The following PCDHGA7 variants were observed in gnomAD, a reference collection of about 807,000 sequenced individuals.
The protein encoded by PCDHGA7 is protocadherin gamma-A7.
In PCDHGA7, 44 loss-of-function variants were observed where a neutral mutation model predicts 58.3. That is an observed-to-expected ratio of 0.75 (90% CI 0.59 to 0.97). PCDHGA7 has a LOEUF of 0.97. Ranked by LOEUF, PCDHGA7 falls within the 50% of genes least tolerant of loss-of-function variation. The pLI, the probability that PCDHGA7 is intolerant of heterozygous loss-of-function variation, is 0.00. For synonymous variants in PCDHGA7, 516 were observed against 504.2 expected (o/e 1.02, Z -0.31); for missense variants, 1,266 against 1,188.7 (o/e 1.06, Z -0.96).
intron 1 of PCDHGA7, among the ~76,000 whole-genome samples, chr5:141,468,047 G>A (rs901583535): frequency 2.0e-5 from 3 of 152,050 alleles, no homozygotes; most frequent in Non-Finnish European, 2.9e-5. Context: ...AAACTAAGCC[G>A]GGCACAGTGG....
intron 1 of PCDHGA7, chr5:141,421,280 G>A (rs564480755): frequency 1.2e-6 from 2 of 1,612,948 alleles, no homozygotes; most frequent in South Asian, 2.2e-5. Context: ...CTGCTGCTGT[G>A]CATTTTCCTG....
At position 141,471,055 on chromosome 5, in the gene PCDHGA7, T is replaced by C. The variant is rs1229791864; in HGVS notation, c.2425-23752T>C. Reference sequence around the variant, plus strand: ...AACAAGCCCAAGCCCTCTTTTTTTTTTTTTTTTTTTTGAGACAGGGTCTCC... The same window carrying C: ...AACAAGCCCAAGCCCTCTTTTTTTTCTTTTTTTTTTTGAGACAGGGTCTCC... On this transcript the variant is annotated intron_variant, in intron 1 of 3. Coordinates refer to ENST00000518325, the MANE Select transcript of PCDHGA7 (RefSeq NM_018920.4). Among the ~76,000 whole-genome samples the C allele has an allele frequency of 1.7e-4, 25 of 148,764 alleles. 2 individuals are homozygous for C. The Admixed American group carries it at 1.7e-3, about 10-fold the overall frequency.
Position 141,431,180 on chromosome 5 carries a change from A to C in PCDHGA7, c.2424+45857A>C. The C allele has an allele frequency of 6.2e-7, 1 of 1,614,246 alleles. No homozygotes were observed. The highest frequency in any genetic ancestry group is 8.5e-7 in the Non-Finnish European group (1 of 1,180,044). On this transcript the variant is annotated intron_variant, in intron 1 of 3. Transcript: ENST00000518325. This position sits in a 1 kb window ranked among gnomAD's most constrained non-coding sequence, Gnocchi z 4.8. ...CTTTCGTGAAAGTGAATTAGAAATA[A>C]AAATTAGTGAAAATGCAGCCACTGA...
chr5:141,501,237 A>G (rs1327502244), intron 2 of PCDHGA7, among the ~76,000 whole-genome samples: 1 of 150,372 alleles, frequency 6.7e-6, no homozygotes, highest in Non-Finnish European at 1.5e-5. Flanking sequence ...CAGTTTTTTG[A>G]GCATGATGTA....
Position 141,385,287 on chromosome 5 carries a change from T to C in PCDHGA7, c.2388T>C (p.Asp796=). The C allele has an allele frequency of 6.2e-7, 1 of 1,613,408 alleles. No individual in the cohort carries two copies. The highest frequency in any genetic ancestry group is 8.5e-7 in the Non-Finnish European group (1 of 1,179,398). ...ATGATTCTTTGCTAACATCCGTAGATTTTCAGGAATGTAAAGAAAACCTGC... is the reference window on the plus strand; with the variant it reads ...ATGATTCTTTGCTAACATCCGTAGACTTTCAGGAATGTAAAGAAAACCTGC... ...EKNDSLLTSV[D]FQECKENLPS... The change falls in exon 1 of 4, where the codon GAT becomes GAC. Residue 796 remains aspartate (D), a synonymous_variant. Coordinates refer to ENST00000518325, the MANE Select transcript of PCDHGA7 (RefSeq NM_018920.4).
At position 141,419,294 on chromosome 5, in the gene PCDHGA7, C is replaced by T. The variant is rs770303087; in HGVS notation, c.2424+33971C>T. ...CATAGCGCAAGTCAGTGCCTCTGAC[C>T]CAGACTTCGGGCTCAACGGCCGTGT... On this transcript the variant is annotated intron_variant, in intron 1 of 3. Transcript: ENST00000518325. The T allele has an allele frequency of 1.9e-6, 3 of 1,614,036 alleles. No homozygotes were observed. Among genetic ancestry groups the T allele is most frequent in the East Asian group, 2.2e-5 (1 of 44,886 alleles).
At chr5:141,459,806 A>G (rs2154566682) in intron 1 of PCDHGA7, among the ~76,000 whole-genome samples, 1 of 152,342 alleles carries the variant, frequency 6.6e-6, no homozygotes, top group African/African-American at 2.4e-5. Flanking sequence ...CCTGTTGACT[A>G]GAGACACTGA....
At chr5:141,392,833 G>A (rs750632906) in intron 1 of PCDHGA7, 39 of 1,604,260 alleles carry the variant, frequency 2.4e-5, no homozygotes, top group Non-Finnish European at 2.8e-5. Context: ...CCACAGAGTC[G>A]CCCCAGACGC....
At chr5:141,421,603 G>T (rs1207844782) in intron 1 of PCDHGA7, 4 of 1,613,758 alleles carry the variant, frequency 2.5e-6, no homozygotes, top group Non-Finnish European at 3.4e-6. Context: ...GGAAATAATA[G>T]ATATTAATGA....
intron 1 of PCDHGA7, chr5:141,418,087 C>G (rs2096220274): frequency 6.2e-7 from 1 of 1,613,894 alleles, no homozygotes; most frequent in African/African-American, 1.3e-5. Context: ...TGCACTTCAG[C>G]GTAGACGCGC....
chr5:141,465,881 G>T (rs1000308014), intron 1 of PCDHGA7, among the ~76,000 whole-genome samples: 1 of 151,960 alleles, frequency 6.6e-6, no homozygotes, highest in African/African-American at 2.4e-5. Flanking sequence ...CCAGCACTTT[G>T]GGAGGCCGAG....
At position 141,511,355 on chromosome 5, in the gene PCDHGA7, G is replaced by A; in HGVS notation, c.*182G>A. On this transcript the variant is annotated 3_prime_UTR_variant, in exon 4 of 4. Coordinates refer to ENST00000518325, the MANE Select transcript of PCDHGA7 (RefSeq NM_018920.4). ...TCAGCACCTACCCCTTCCCCCCCAG[G>A]GGGTTGAATATGCAAAAGCAGTTCC... 4 of 1,379,256 alleles carry A rather than the reference G, an allele frequency of 2.9e-6. No individual in the cohort carries two copies. The highest frequency in any genetic ancestry group is 3.9e-6 in the Non-Finnish European group (4 of 1,035,886). 85.4% of individuals were successfully genotyped at this position (1,379,256 alleles called of 1,614,324 possible).
chr5:141,478,607 A>T (rs892000536), intron 1 of PCDHGA7: 1 of 1,560,800 alleles, frequency 6.4e-7, no homozygotes, highest in Non-Finnish European at 8.7e-7. Context: ...CATCATATTG[A>T]GGAAGGAATG....
In PCDHGA7 at chr5:141,489,739, G is replaced by A; in HGVS notation, c.2425-5068G>A. On this transcript the variant is annotated intron_variant, in intron 1 of 3. Transcript: ENST00000518325. The surrounding 1 kb of genome is among the most constrained non-coding windows in gnomAD (Gnocchi z 4.5). Reference sequence around the variant, plus strand: ...GGATCCGGATGTGGGCACCAATACTGTGAGCTTTTACACTCTAAGCCCCAA... The same window carrying A: ...GGATCCGGATGTGGGCACCAATACTATGAGCTTTTACACTCTAAGCCCCAA... 3 of 1,614,170 alleles carry A rather than the reference G, an allele frequency of 1.9e-6. No homozygotes were observed. The highest frequency in any genetic ancestry group is 2.2e-5 in the South Asian group (2 of 91,076).
chr5:141,399,002 C>A (rs1415503184), intron 1 of PCDHGA7: 2 of 1,613,830 alleles, frequency 1.2e-6, no homozygotes, highest in South Asian at 2.2e-5. Flanking sequence ...AGTCTGAATT[C>A]AAAGAGCGGA....
chr5:141,420,335 A>G (rs2096490280), intron 1 of PCDHGA7: 1 of 1,403,918 alleles, frequency 7.1e-7, no homozygotes, highest in Non-Finnish European at 9.5e-7. Flanking sequence ...ATATTCCAAT[A>G]TAGTGGTATT....
intron 1 of PCDHGA7, chr5:141,390,310 C>T: frequency 1.2e-6 from 2 of 1,612,362 alleles, no homozygotes; most frequent in Non-Finnish European, 1.7e-6. Context: ...TAATTTAATG[C>T]TCATTGCCTA....
At chr5:141,509,319 G>A (rs1427191152) in intron 3 of PCDHGA7, among the ~76,000 whole-genome samples, 3 of 152,216 alleles carry the variant, frequency 2.0e-5, no homozygotes, top group African/African-American at 4.8e-5. Context: ...TGGGAGAGAA[G>A]CTCTACTGCC....
intron 1 of PCDHGA7, chr5:141,426,993 G>A (rs1331210977): frequency 1.1e-5 from 5 of 456,742 alleles, no homozygotes; most frequent in Middle Eastern, 3.3e-4. Context: ...CAACGATAAT[G>A]CCCCAGTTTT....
Sources: allele counts gnomAD v4.1 joint callset (sites outside exome capture counted in the v4.1 genomes callset), GRCh38; gene constraint gnomAD v4.1.1; non-coding constraint Gnocchi (gnomAD v3.1); transcripts MANE v1.5; gene names NCBI Gene and HGNC (gene_info 2026-07-23, HGNC 2026-07-21).